The following CRTAP variants were observed in gnomAD, a reference collection of about 807,000 sequenced individuals.
The protein encoded by CRTAP is cartilage associated protein, also known as cartilage-associated protein.
Under a neutral mutation model 42.7 loss-of-function variants are expected in CRTAP, and 33 were observed. The ratio of observed to expected loss-of-function variants is 0.77; its 90% CI spans 0.59 to 1.03. CRTAP has a LOEUF of 1.03. CRTAP is among the 50% of genes least tolerant of loss of function. The pLI is 0.00. For missense variants in CRTAP, 613 were observed against 533.9 expected (o/e 1.15, Z -1.46); for synonymous variants, 243 against 217.7 (o/e 1.12, Z -1.02).
intron 6 of CRTAP, among the ~76,000 whole-genome samples, chr3:33,140,611 G>A (rs2030545798): frequency 1.3e-5 from 2 of 152,160 alleles, no homozygotes; most frequent in South Asian, 2.1e-4. Flanking sequence ...ATGTGTATAA[G>A]CACTCCTGAA....
chr3:33,123,893 A>G (rs2029977428), intron 2 of CRTAP, among the ~76,000 whole-genome samples: 1 of 152,132 alleles, frequency 6.6e-6, no homozygotes, highest in Admixed American at 6.5e-5. Flanking sequence ...CTGCTCTCAA[A>G]CTTACATTTT....
At chr3:33,122,592 C>G (rs902413772) in intron 2 of CRTAP, among the ~76,000 whole-genome samples, 1 of 151,182 alleles carries the variant, frequency 6.6e-6, no homozygotes, top group Non-Finnish European at 1.5e-5. Flanking sequence ...ACCTGTAATC[C>G]TAGCTACTCG....
chr3:33,118,754 T>C (rs971154741), intron 1 of CRTAP, among the ~76,000 whole-genome samples: 1 of 152,204 alleles, frequency 6.6e-6, no homozygotes, highest in African/African-American at 2.4e-5. Context: ...TCCATCAGCA[T>C]GGGGGCCCTC....
chr3:33,138,491 A>T (rs12054462), intron 6 of CRTAP, among the ~76,000 whole-genome samples: 19,868 of 152,008 alleles, frequency 0.13, 1,555 homozygotes, highest in East Asian at 0.26. Flanking sequence ...ATTCTTTCCA[A>T]CCCCTAGTAT....
At position 33,142,641 on chromosome 3, in the gene CRTAP, A is replaced by G. The variant is rs1367176639; in HGVS notation, c.*193A>G. The G allele has an allele frequency of 1.7e-6, 1 of 580,804 alleles. No individual in the cohort carries two copies. Among genetic ancestry groups the G allele is most frequent in the Admixed American group, 2.9e-5 (1 of 33,948 alleles). 36.0% of individuals were successfully genotyped at this position (580,804 alleles called of 1,614,324 possible). ...TTCCTATCTTCACACCTGCCACCTC[A>G]TGTTCACACCTATCTTTCTCACCTT... On this transcript the variant is annotated 3_prime_UTR_variant, in exon 7 of 7. Coordinates refer to ENST00000320954, the MANE Select transcript of CRTAP (RefSeq NM_006371.5).
chr3:33,117,360 C>T (rs914816665), intron 1 of CRTAP, among the ~76,000 whole-genome samples: 2 of 152,066 alleles, frequency 1.3e-5, no homozygotes, highest in African/African-American at 2.4e-5. Flanking sequence ...CAGAGGGAGG[C>T]GAGGAGGTTT....
rs763492697 is a variant in CRTAP, at chr3:33,132,559, C to T, written c.927C>T (p.Asn309=). 99 of 1,613,952 alleles carry T rather than the reference C, an allele frequency of 6.1e-5. No individual in the cohort carries two copies. In the East Asian group the frequency reaches 1.5e-3, roughly 24 times the overall value. Residue 309 remains asparagine, a synonymous_variant, in exon 5 of 7, where the codon AAC becomes AAT. Coordinates refer to ENST00000320954, the MANE Select transcript of CRTAP (RefSeq NM_006371.5). ...GTCTTTTCTTCCCAACCCTAGTGAA[C>T]GACCTGAAGAATGCAGCCCCCTGTG... ...HYLQFAYYKL[N]DLKNAAPCAV... is the part of the protein sequence containing the mutation.
At chr3:33,130,195 C>A in intron 4 of CRTAP, 128 bp downstream of exon 4, 1 of 948,470 alleles carries the variant, frequency 1.1e-6, no homozygotes, top group Non-Finnish European at 1.7e-6. Context: ...TGGTGCTATG[C>A]TTTGCACAAA....
chr3:33,139,782 T>C (rs1398604403), intron 6 of CRTAP, among the ~76,000 whole-genome samples: 1 of 152,228 alleles, frequency 6.6e-6, no homozygotes, highest in African/African-American at 2.4e-5. Context: ...CCGGCCTGAA[T>C]GTTTTTATCA....
intron 4 of CRTAP, 48 bp from the exon 5 acceptor site, chr3:33,132,507 G>C (rs1215276856): frequency 6.2e-7 from 1 of 1,611,412 alleles, no homozygotes; most frequent in African/African-American, 1.3e-5. Context: ...AGAAATTATA[G>C]GGTGTGGTTT....
chr3:33,124,544 TC>T lies in CRTAP; in HGVS notation c.759del (p.Lys254ArgfsTer10), dbSNP rs1218625160. The T allele has an allele frequency of 2.5e-6, 4 of 1,614,096 alleles. No homozygotes were observed. Among genetic ancestry groups the T allele is most frequent in the Admixed American group, 1.7e-5 (1 of 60,008 alleles). On this transcript the variant is annotated frameshift_variant, in exon 3 of 7. Coordinates refer to ENST00000320954, the MANE Select transcript of CRTAP (RefSeq NM_006371.5). LOFTEE classifies it high-confidence loss of function. ...GCAGCCTGCGAGGGTTCCAGGGAGA[TC>T]AAGGACTTCAAGGATTTCTACCTTT... ...CLAACEGSRE[I>X]KDFKDFYLSI...
chr3:33,139,224 G>T (rs2125606577), intron 6 of CRTAP, among the ~76,000 whole-genome samples: 1 of 152,160 alleles, frequency 6.6e-6, no homozygotes, highest in South Asian at 2.1e-4. Flanking sequence ...GATTGCTGGA[G>T]CTCAGGAGTG....
rs752412772 is a variant in CRTAP at position 33,114,093 on chromosome 3, CGGGGGGCCGCGGCGCT to C, written c.18_33del (p.Gly7Ter). On this transcript the variant is annotated frameshift_variant, in exon 1 of 7. Transcript: ENST00000320954. LOFTEE classifies it high-confidence loss of function. ...GCCGGGCGCGATGGAGCCGGGGCGC[CGGGGGGCCGCGGCGCT>C]GCTAGCGCTGCTGTGCGTGGCCTGC... 7.5e-6 allele frequency: 11 copies of C among 1,462,934 alleles called. No individual in the cohort carries two copies. The Admixed American group carries it at 2.8e-4, about 38-fold the overall frequency. The allele number at this position is 1,462,934 out of a possible 1,614,324, so 90.6% of individuals were successfully genotyped here.
chr3:33,122,451 G>C (rs918323015), intron 2 of CRTAP, among the ~76,000 whole-genome samples: 3 of 152,010 alleles, frequency 2.0e-5, no homozygotes, highest in Non-Finnish European at 4.4e-5. Context: ...CCTCATGCCT[G>C]TAATCCCAGC....
chr3:33,130,305 C>T (rs1221889800), intron 4 of CRTAP, among the ~76,000 whole-genome samples: 1 of 152,160 alleles, frequency 6.6e-6, no homozygotes, highest in Non-Finnish European at 1.5e-5. Context: ...GCTTTAGTTT[C>T]CTCATTGTGA....
intron 1 of CRTAP, among the ~76,000 whole-genome samples, chr3:33,117,589 C>T (rs1247737605): frequency 6.6e-6 from 1 of 152,214 alleles, no homozygotes. Flanking sequence ...TGAGCTCTAA[C>T]CTGGACAGAG....
intron 6 of CRTAP, among the ~76,000 whole-genome samples, chr3:33,137,209 C>T (rs2030446165): frequency 6.6e-6 from 1 of 152,024 alleles, no homozygotes; most frequent in Non-Finnish European, 1.5e-5. Flanking sequence ...GGTGCGATCT[C>T]GGCTCACTGC....
chr3:33,138,406 T>A (rs917371341), intron 6 of CRTAP, among the ~76,000 whole-genome samples: 6 of 152,176 alleles, frequency 3.9e-5, no homozygotes, highest in East Asian at 1.9e-4. Flanking sequence ...TTGGATTTTT[T>A]AAAAATTTAT....
chr3:33,139,909 C>T (rs905524465), intron 6 of CRTAP, among the ~76,000 whole-genome samples: 2 of 152,186 alleles, frequency 1.3e-5, no homozygotes, highest in Non-Finnish European at 2.9e-5. Flanking sequence ...ACTAATATTA[C>T]ATGATATAGA....
Sources: allele counts gnomAD v4.1 joint callset (sites outside exome capture counted in the v4.1 genomes callset), GRCh38; gene constraint gnomAD v4.1.1; transcripts MANE v1.5; gene names NCBI Gene and HGNC (gene_info 2026-07-23, HGNC 2026-07-21).